POLE: variants seen among roughly 807,000 people sequenced by gnomAD.
POLE encodes the protein DNA polymerase epsilon catalytic subunit A.
A neutral mutation model predicts 279.2 loss-of-function variants in POLE; 188 were observed. The ratio of observed to expected loss-of-function variants is 0.67; its 90% confidence interval spans 0.60 to 0.76. POLE has a LOEUF of 0.76. Ranked by LOEUF, POLE falls within the 30% of genes least tolerant of loss-of-function variation. The pLI is 0.00. For missense variants in POLE, 2,703 were observed against 3,016.7 expected, an observed-to-expected ratio of 0.90 and a Z score of 2.44; for synonymous variants, 1,214 against 1,172.5, an observed-to-expected ratio of 1.04 and a Z score of -0.72.
rs544419469 is a variant in POLE, at chr12:132,645,627, A to G, written c.4150-1650T>C. On this transcript the variant is annotated intron_variant, in intron 32 of 48. Transcript: ENST00000320574. ...AACAAACAAAAAAACCTGACACGCTAAAGGATTTTTAAAAATACCCAAAGT... is the reference window on the plus strand; with the variant it reads ...AACAAACAAAAAAACCTGACACGCTGAAGGATTTTTAAAAATACCCAAAGT... 3.3e-5 allele frequency among the ~76,000 whole-genome samples: 5 copies of G among 152,350 alleles called. No individual in the cohort carries two copies. The South Asian group carries it at 6.2e-4, about 19-fold the overall frequency.
Position 132,676,549 on chromosome 12 carries a change from G to GCTCA in POLE, c.905_906insTGAG (p.Gln303GlufsTer17). ...TTCCCAGAAGCCACCTGCTCACCTGGCCATCGATCATGTAGGAAATCATCA... is the reference window on the plus strand; with the variant it reads ...TTCCCAGAAGCCACCTGCTCACCTGGCTCACCATCGATCATGTAGGAAATCATCA... On this transcript the variant is annotated frameshift_variant, in exon 9 of 49. Coordinates refer to ENST00000320574, the MANE Select transcript of POLE (RefSeq NM_006231.4). LOFTEE classifies it high-confidence loss of function. 1 of 1,607,716 alleles carries GCTCA rather than the reference G, an allele frequency of 6.2e-7. No individual in the cohort carries two copies. The highest frequency in any genetic ancestry group is 8.5e-7 in the Non-Finnish European group (1 of 1,174,166).
chr12:132,625,033 C>T (rs759450329), intron 47 of POLE, 39 bp from the exon 48 acceptor site: 9 of 1,509,304 alleles, frequency 6.0e-6, no homozygotes, highest in South Asian at 5.7e-5. Flanking sequence ...AGCCCTCCCG[C>T]GCTGGCCAGA....
intron 26 of POLE, 28 bp downstream of exon 26, chr12:132,659,267 A>G: frequency 6.2e-7 from 1 of 1,606,170 alleles, no homozygotes; most frequent in Non-Finnish European, 8.5e-7. Context: ...AGGAGCCCTC[A>G]CCTCTCCGTG....
intron 47 of POLE, chr12:132,625,210 C>T (rs763525381): frequency 1.4e-6 from 1 of 704,362 alleles, no homozygotes; most frequent in South Asian, 1.5e-5. Flanking sequence ...GATGTTCCAC[C>T]CCAGATGCCC....
chr12:132,629,770 T>A (rs2041901463), intron 45 of POLE, among the ~76,000 whole-genome samples: 1 of 152,232 alleles, frequency 6.6e-6, no homozygotes, highest in African/African-American at 2.4e-5. Context: ...GCACTTGTAA[T>A]TTCCTTCAAG....
rs986745582 is a variant in POLE at position 132,624,247 on chromosome 12, C to T, written c.*450G>A. The T allele has an allele frequency of 3.9e-6, 1 of 253,332 alleles. No homozygotes were observed. Among genetic ancestry groups the T allele is most frequent in the Non-Finnish European group, 7.7e-6 (1 of 129,776 alleles). 15.7% of individuals were successfully genotyped at this position (253,332 alleles called of 1,614,324 possible). A position where few individuals can be genotyped will look rare whatever the true frequency, so the allele number is the denominator to read the frequency against. ...CAAACAGGTGAGACTCCAGCCCCAC[C>T]AGGGCCTTGGGAACCCGTCTCGTCT... On this transcript the variant is annotated 3_prime_UTR_variant, in exon 49 of 49. Transcript: ENST00000320574.
At chr12:132,672,476 C>T in intron 15 of POLE, 151 bp downstream of exon 15, 8 of 1,030,740 alleles carry the variant, frequency 7.8e-6, no homozygotes, top group Non-Finnish European at 1.1e-5. Flanking sequence ...CCTAAAGAAG[C>T]CCCCGGGGGG....
In POLE at chr12:132,642,164, C is replaced by T. The variant is rs550209468; in HGVS notation, c.5173+13G>A. On this transcript the variant is annotated intron_variant, in intron 38 of 48. Transcript: ENST00000320574. Reference sequence around the variant, plus strand: ...AGCCAGGTCTCATGGGCCTCGTCCTCCCGCCCACTTACCTGTGGAGTAACA... The same window carrying T: ...AGCCAGGTCTCATGGGCCTCGTCCTTCCGCCCACTTACCTGTGGAGTAACA... The T allele has an allele frequency of 5.2e-6, 8 of 1,531,400 alleles. No homozygotes were observed. Among genetic ancestry groups the T allele is most frequent in the Non-Finnish European group, 6.2e-6 (7 of 1,136,154 alleles). 94.9% of individuals were successfully genotyped at this position (1,531,400 alleles called of 1,614,324 possible).
At chr12:132,625,917 AC>A in intron 46 of POLE, 147 bp from the exon 47 acceptor site, 1 of 1,211,988 alleles carries the variant, frequency 8.3e-7, no homozygotes, top group Non-Finnish European at 1.1e-6. Context: ...CTGGCCTCCC[AC>A]CTGCACTTGA....
intron 45 of POLE, among the ~76,000 whole-genome samples, chr12:132,628,060 T>C (rs1319011508): frequency 6.6e-6 from 1 of 152,250 alleles, no homozygotes; most frequent in Admixed American, 6.5e-5. Flanking sequence ...AAACTACTTT[T>C]TGGCCAGGTG....
chr12:132,660,828 C>T (rs2042661626), intron 25 of POLE, 141 bp downstream of exon 25: 1 of 574,684 alleles, frequency 1.7e-6, no homozygotes, highest in Non-Finnish European at 3.0e-6. Context: ...TAATTGTGCT[C>T]AGGAGGTCTT....
chr12:132,654,865 T>C (rs2042499806), intron 29 of POLE, among the ~76,000 whole-genome samples: 1 of 152,240 alleles, frequency 6.6e-6, no homozygotes, highest in African/African-American at 2.4e-5. Context: ...ATTGTTTGTT[T>C]CACTCATTCT....
At position 132,639,349 on chromosome 12, in the gene POLE, T is replaced by A. The variant is rs369091916; in HGVS notation, c.5379-51A>T. ...TCGTACCCTCAGCCTCCCACGCTGCTGCCACGCGGGACGCTCCAACTGAAA... is the reference window on the plus strand; with the variant it reads ...TCGTACCCTCAGCCTCCCACGCTGCAGCCACGCGGGACGCTCCAACTGAAA... On this transcript the variant is annotated intron_variant, in intron 39 of 48. Transcript: ENST00000320574. This position sits in a 1 kb window ranked among gnomAD's most constrained non-coding sequence, Gnocchi z 4.7. 24 of 1,567,106 alleles carry A rather than the reference T, an allele frequency of 1.5e-5. No homozygotes were observed. In the African/African-American group the frequency reaches 2.6e-4, roughly 17 times the overall value.
chr12:132,669,087 G>T, intron 16 of POLE, 148 bp from the exon 17 acceptor site: 3 of 661,116 alleles, frequency 4.5e-6, no homozygotes, highest in Non-Finnish European at 7.4e-6. Flanking sequence ...AGTTAAGAAG[G>T]GTTGCCATCA....
intron 19 of POLE, 38 bp from the exon 20 acceptor site, chr12:132,667,686 A>G (rs1320214053): frequency 1.2e-6 from 2 of 1,610,658 alleles, no homozygotes; most frequent in Admixed American, 3.3e-5. Context: ...GGTGGGTGAG[A>G]TCTCCCAGAG....
intron 29 of POLE, among the ~76,000 whole-genome samples, chr12:132,653,937 C>T (rs1325720025): frequency 3.3e-5 from 5 of 152,226 alleles, no homozygotes; most frequent in Non-Finnish European, 7.3e-5. Flanking sequence ...GAGCCTTCTC[C>T]TTTAATGATG....
chr12:132,632,080 A>T (rs1367362458), intron 45 of POLE, among the ~76,000 whole-genome samples: 3 of 152,284 alleles, frequency 2.0e-5, no homozygotes, highest in Non-Finnish European at 4.4e-5. Context: ...CACCTTGCAC[A>T]CGCTGGCACC....
rs771980261 is a variant in POLE, at chr12:132,635,942, T to C, written c.5761A>G (p.Asn1921Asp). The C allele has an allele frequency of 8.4e-5, 135 of 1,613,852 alleles. No individual in the cohort carries two copies. The highest frequency in any genetic ancestry group is 1.1e-4 in the Non-Finnish European group (130 of 1,179,906). ...ACTTTTCCTTTGATTCCGCCATAGT[T>C]AGATGGATCCATCCAGAGAAGAAAT... ...WEFLLWMDPS[N>D]YGGIKGKVSS... The change falls in exon 42 of 49, where the codon AAC becomes GAC. Residue 1921 changes from asparagine (N) to aspartate (D), a missense_variant. Asn to Asp is a conservative substitution (Grantham distance 23, BLOSUM62 1). Coordinates refer to ENST00000320574, the MANE Select transcript of POLE (RefSeq NM_006231.4).
Position 132,664,482 on chromosome 12 carries a change from TG to T in POLE, c.2469-21del. On this transcript the variant is annotated intron_variant, in intron 21 of 48. Transcript: ENST00000320574. This position sits in a 1 kb window ranked among gnomAD's most constrained non-coding sequence, Gnocchi z 5.3. ...CGAGCCCTGAGAGGACACCACAAAC[TG>T]GTGGGTGGGGCTGGCATGGCTCCTC... 6.2e-7 allele frequency: 1 copy of T among 1,602,146 alleles called. No homozygotes were observed. Among genetic ancestry groups the T allele is most frequent in the Non-Finnish European group, 8.5e-7 (1 of 1,169,698 alleles).
Sources: allele counts gnomAD v4.1 joint callset (sites outside exome capture counted in the v4.1 genomes callset), GRCh38; gene constraint gnomAD v4.1.1; non-coding constraint Gnocchi (gnomAD v3.1); transcripts MANE v1.5; gene names NCBI Gene and HGNC (gene_info 2026-07-23, HGNC 2026-07-21).